RBFOX1: variants seen among roughly 807,000 people sequenced by gnomAD.
The protein encoded by RBFOX1 is RNA binding protein fox-1 homolog 1.
In RBFOX1, 8 loss-of-function variants were observed where a neutral mutation model predicts 57.7. The observed-to-expected ratio is 0.14, with a 90% CI of 0.08 to 0.25. The LOEUF (loss-of-function observed/expected upper bound fraction) is 0.25, where lower values mean the gene tolerates loss of function less well. Ranked by LOEUF, RBFOX1 falls within the 10% of genes least tolerant of loss-of-function variation. The pLI is 1.00. For missense variants in RBFOX1, 611 were observed against 548.5 expected (o/e 1.11, Z -1.14); for synonymous variants, 326 against 222.4 (o/e 1.47, Z -4.15).
At chr16:6,857,647 C>G (rs2058152797) in intron 3 of RBFOX1, among the ~76,000 whole-genome samples, 1 of 152,164 alleles carries the variant, frequency 6.6e-6, no homozygotes, top group Non-Finnish European at 1.5e-5. Flanking sequence ...TAAGATGCCC[C>G]TAAGGCTACA....
At chr16:5,543,427 G>A (rs557184434) in intron 2 of RBFOX1, among the ~76,000 whole-genome samples, 48 of 152,220 alleles carry the variant, frequency 3.2e-4, no homozygotes, top group African/African-American at 1.1e-3. Context: ...ATTAGACATT[G>A]CCCATACACA....
At chr16:6,576,931 A>AAG (rs1450576865) in intron 2 of RBFOX1, 4 of 152,198 alleles carry the variant, frequency 2.6e-5, no homozygotes, top group African/African-American at 9.6e-5. Flanking sequence ...AGAACCTGTA[A>AAG]AGAACCACCC....
intron 1 of RBFOX1, among the ~76,000 whole-genome samples, chr16:6,104,250 T>C (rs888033970): frequency 6.6e-6 from 1 of 152,198 alleles, no homozygotes; most frequent in African/African-American, 2.4e-5. Context: ...CAGTGATTAA[T>C]GGTTCCATTT....
At chr16:7,594,450 T>C (rs551337532) in intron 7 of RBFOX1, among the ~76,000 whole-genome samples, 6 of 152,204 alleles carry the variant, frequency 3.9e-5, no homozygotes, top group Non-Finnish European at 8.8e-5. Context: ...GAAAGGTTGG[T>C]GTATATTTCT....
intron 3 of RBFOX1, among the ~76,000 whole-genome samples, chr16:7,034,827 C>CTT (rs113413414): frequency 7.4e-5 from 4 of 54,114 alleles, no homozygotes; most frequent in Non-Finnish European, 9.3e-5. Flanking sequence ...TATTGCATTA[C>CTT]TTTTTTTTTT....
chr16:7,268,562 C>A (rs1002696330), intron 4 of RBFOX1, among the ~76,000 whole-genome samples: 1 of 152,170 alleles, frequency 6.6e-6, no homozygotes, highest in South Asian at 2.1e-4. Context: ...CTCTTTGCAG[C>A]TAATAAAGAA....
At chr16:6,374,769 A>G (rs2090949696) in intron 2 of RBFOX1, among the ~76,000 whole-genome samples, 1 of 152,222 alleles carries the variant, frequency 6.6e-6, no homozygotes, top group African/African-American at 2.4e-5. Context: ...GGTGAGTTGA[A>G]GGCAATCTGA....
At chr16:5,307,751 G>C (rs1440110578) in intron 1 of RBFOX1, among the ~76,000 whole-genome samples, 1 of 152,058 alleles carries the variant, frequency 6.6e-6, no homozygotes, top group Non-Finnish European at 1.5e-5. Context: ...ATATCTTACG[G>C]CAACCTCAAA....
chr16:6,826,284 G>A (rs2092125799), intron 3 of RBFOX1, among the ~76,000 whole-genome samples: 1 of 152,152 alleles, frequency 6.6e-6, no homozygotes, highest in Non-Finnish European at 1.5e-5. Context: ...AGGCCGAAGC[G>A]AGAAAATCGT....
intron 1 of RBFOX1, among the ~76,000 whole-genome samples, chr16:5,249,161 G>A (rs896554048): frequency 3.3e-5 from 5 of 152,132 alleles, no homozygotes; most frequent in South Asian, 2.1e-4. Context: ...GTGAGGCTGC[G>A]CTTTGTGTGT....
chr16:7,115,201 A>T (rs1395559578), intron 4 of RBFOX1, among the ~76,000 whole-genome samples: 1 of 152,086 alleles, frequency 6.6e-6, no homozygotes, highest in Admixed American at 6.5e-5. Flanking sequence ...TAATTAACTG[A>T]TGAAAATGGA....
At chr16:7,646,268 T>G (rs1230627162) in intron 11 of RBFOX1, among the ~76,000 whole-genome samples, 1 of 152,240 alleles carries the variant, frequency 6.6e-6, no homozygotes, top group African/African-American at 2.4e-5. Flanking sequence ...GAGCTATGGC[T>G]GGTGGTTTAT....
intron 2 of RBFOX1, among the ~76,000 whole-genome samples, chr16:6,559,677 C>T (rs1306703923): frequency 2.6e-5 from 4 of 152,044 alleles, no homozygotes; most frequent in South Asian, 2.1e-4. Context: ...CAAATAAGTA[C>T]ATAGGTATAT....
intron 3 of RBFOX1, among the ~76,000 whole-genome samples, chr16:6,987,697 A>G (rs539402420): frequency 3.3e-5 from 5 of 152,358 alleles, no homozygotes; most frequent in Admixed American, 3.3e-4. Context: ...GAACTTGGAA[A>G]TAGAAACTCA....
chr16:7,537,677 G>C lies in RBFOX1; in HGVS notation c.270+19288G>C, dbSNP rs9925853. On this transcript the variant is annotated intron_variant, in intron 5 of 15. Transcript: ENST00000550418. Reference sequence around the variant, plus strand: ...GGGAAGTAGGAATCAGGAAATGGTGGCTTCTAACGTGATTTCATCCAGGCC... The same window carrying C: ...GGGAAGTAGGAATCAGGAAATGGTGCCTTCTAACGTGATTTCATCCAGGCC... 1.7e-3 allele frequency among the ~76,000 whole-genome samples: 259 copies of C among 152,228 alleles called. 2 individuals carry two copies. Among genetic ancestry groups the C allele is most frequent in the African/African-American group, 6.1e-3 (255 of 41,544 alleles).
chr16:6,242,791 A>T (rs995000924), intron 1 of RBFOX1, among the ~76,000 whole-genome samples: 2 of 152,150 alleles, frequency 1.3e-5, no homozygotes, highest in African/African-American at 4.8e-5. Flanking sequence ...TAATAAACAC[A>T]TAACCCTTGT....
At chr16:6,541,172 C>G (rs1298932090) in intron 2 of RBFOX1, among the ~76,000 whole-genome samples, 2 of 152,184 alleles carry the variant, frequency 1.3e-5, no homozygotes, top group East Asian at 1.9e-4. Context: ...GATGAGAACT[C>G]TTTCATTCTA....
chr16:5,282,347 T>A (rs889062870), intron 1 of RBFOX1, among the ~76,000 whole-genome samples: 2 of 152,126 alleles, frequency 1.3e-5, no homozygotes, highest in African/African-American at 4.8e-5. Context: ...ATACAGTAAA[T>A]TGGTACCAGA....
chr16:6,505,404 A>C (rs1029887187), intron 2 of RBFOX1, among the ~76,000 whole-genome samples: 1 of 152,234 alleles, frequency 6.6e-6, no homozygotes, highest in African/African-American at 2.4e-5. Context: ...CAACAGGAGA[A>C]TATTTGGAAA....
Sources: gnomAD v4.1 joint callset for allele counts (sites outside exome capture counted in the v4.1 genomes callset) on GRCh38, gnomAD v4.1.1 for gene constraint, MANE v1.5 for transcripts, NCBI Gene and HGNC (gene_info 2026-07-23, HGNC 2026-07-21) for gene names.